Variants in DPP10 observed in about 807,000 individuals in gnomAD.
DPP10 encodes dipeptidyl peptidase like 10.
In DPP10, 33 loss-of-function variants were observed where a neutral mutation model predicts 120.9. The observed-to-expected ratio is 0.27, with a 90% CI of 0.21 to 0.37. DPP10 has a LOEUF of 0.37. Among genes scored for constraint, DPP10 ranks in the 10% least tolerant of loss-of-function variants. The probability of loss-of-function intolerance (pLI) is 1.00; values close to 1 mark genes in which losing one functional copy is unlikely to be tolerated. For missense variants in DPP10, 816 were observed against 942.8 expected (o/e 0.87, Z 1.76); for synonymous variants, 337 against 326.1 (o/e 1.03, Z -0.36).
At chr2:114,882,797 T>C (rs1691753304) in intron 1 of DPP10, among the ~76,000 whole-genome samples, 1 of 151,906 alleles carries the variant, frequency 6.6e-6, no homozygotes, top group Non-Finnish European at 1.5e-5. Flanking sequence ...GCCTAAAATA[T>C]AATGAAGCCA....
intron 1 of DPP10, among the ~76,000 whole-genome samples, chr2:115,066,141 T>A (rs1189013040): frequency 6.6e-6 from 1 of 152,230 alleles, no homozygotes; most frequent in Non-Finnish European, 1.5e-5. Context: ...AGAAGCTGTT[T>A]ATCTTAGTCT....
At chr2:115,585,876 C>T (rs1020087602) in intron 5 of DPP10, among the ~76,000 whole-genome samples, 3 of 152,130 alleles carry the variant, frequency 2.0e-5, no homozygotes, top group East Asian at 1.9e-4. Context: ...TTCTATTTAA[C>T]GTATATCCTG....
intron 3 of DPP10, among the ~76,000 whole-genome samples, chr2:115,388,561 T>C (rs2067112476): frequency 6.6e-6 from 1 of 152,178 alleles, no homozygotes; most frequent in African/African-American, 2.4e-5. Flanking sequence ...TTCCTGGCCC[T>C]CTAGGGTGAT....
At chr2:115,593,825 G>T (rs1184171418) in intron 5 of DPP10, among the ~76,000 whole-genome samples, 1 of 152,136 alleles carries the variant, frequency 6.6e-6, no homozygotes, top group Non-Finnish European at 1.5e-5. Flanking sequence ...TTGATTAATT[G>T]CTTAAAGTTC....
chr2:115,395,286 A>G (rs906036526), intron 3 of DPP10, among the ~76,000 whole-genome samples: 39 of 152,192 alleles, frequency 2.6e-4, no homozygotes, highest in African/African-American at 9.2e-4. Flanking sequence ...ACGTGTATAA[A>G]TTTCCTCTTC....
intron 1 of DPP10, among the ~76,000 whole-genome samples, chr2:114,973,661 C>T (rs867940322): frequency 1.4e-5 from 1 of 71,034 alleles, no homozygotes; most frequent in Non-Finnish European, 2.4e-5. Context: ...GACTCCGTCT[C>T]AAAAAAAAAA....
intron 7 of DPP10, among the ~76,000 whole-genome samples, chr2:115,725,951 C>A (rs2092756760): frequency 6.6e-6 from 1 of 152,160 alleles, no homozygotes; most frequent in Non-Finnish European, 1.5e-5. Context: ...TCGTGAAAGT[C>A]ATTAAATCCA....
chr2:115,501,243 C>T (rs2148795790), intron 4 of DPP10, among the ~76,000 whole-genome samples: 1 of 152,112 alleles, frequency 6.6e-6, no homozygotes, highest in South Asian at 2.1e-4. Flanking sequence ...AGGTTTTCCC[C>T]CATCACTAAT....
At chr2:114,970,065 C>A (rs1699294795) in intron 1 of DPP10, among the ~76,000 whole-genome samples, 1 of 152,018 alleles carries the variant, frequency 6.6e-6, no homozygotes, top group South Asian at 2.1e-4. Context: ...CTAGGTTCTG[C>A]TTGGCAAAGA....
intron 1 of DPP10, among the ~76,000 whole-genome samples, chr2:114,670,029 G>A (rs1288428493): frequency 3.3e-5 from 5 of 152,226 alleles, no homozygotes; most frequent in Middle Eastern, 6.8e-3. Flanking sequence ...AACAGGTGCT[G>A]GAGAGGATGT....
At chr2:115,385,141 A>T (rs1053474234) in intron 3 of DPP10, among the ~76,000 whole-genome samples, 4 of 152,186 alleles carry the variant, frequency 2.6e-5, no homozygotes, top group Non-Finnish European at 4.4e-5. Context: ...TGTCTTTATC[A>T]GCAACATGAA....
intron 5 of DPP10, among the ~76,000 whole-genome samples, chr2:115,548,067 G>A (rs1470424035): frequency 3.9e-5 from 6 of 152,012 alleles, no homozygotes; most frequent in African/African-American, 1.4e-4. Context: ...TTAACCAGAA[G>A]GAACAAAATT....
chr2:114,810,221 AAG>A (rs1283669915), intron 1 of DPP10, among the ~76,000 whole-genome samples: 1 of 152,188 alleles, frequency 6.6e-6, no homozygotes, highest in African/African-American at 2.4e-5. Flanking sequence ...CATAAATATG[AAG>A]AGTGATTTCT....
intron 3 of DPP10, among the ~76,000 whole-genome samples, chr2:115,448,411 A>T (rs2072812224): frequency 6.6e-6 from 1 of 152,208 alleles, no homozygotes; most frequent in Non-Finnish European, 1.5e-5. Flanking sequence ...ACTTTAATGT[A>T]GCGGGAGGTA....
At chr2:114,461,615 G>C (rs912170005) in intron 1 of DPP10, 9 of 985,348 alleles carry the variant, frequency 9.1e-6, no homozygotes, top group Middle Eastern at 5.2e-4. Flanking sequence ...GACCTAGAAG[G>C]CTTTAAGAAA....
chr2:115,375,057 A>C (rs2065685666), intron 3 of DPP10, among the ~76,000 whole-genome samples: 1 of 152,208 alleles, frequency 6.6e-6, no homozygotes, highest in South Asian at 2.1e-4. Flanking sequence ...AATTTCTTCC[A>C]AGAAAATGGG....
At position 115,699,034 on chromosome 2, in the gene DPP10, AAC is replaced by A. The variant is rs1491025551; in HGVS notation, c.576+9115_576+9116del. Among the ~76,000 whole-genome samples the A allele has an allele frequency of 1.1e-3, 33 of 30,536 alleles. 3 individuals are homozygous for A. Among genetic ancestry groups the A allele is most frequent in the African/African-American group, 1.5e-3 (16 of 10,754 alleles). The allele number at this position is 30,536 out of a possible 152,430, so 20.0% of individuals were successfully genotyped here. ...AGTTAGCTTGACTGAAAAAAAAAAA[AAC>A]AAAAAAAAAAAAACAAGAGAAGACT... is the stretch of plus-strand genomic sequence containing the variant. On this transcript the variant is annotated intron_variant, in intron 7 of 25. Coordinates refer to ENST00000410059, the MANE Select transcript of DPP10 (RefSeq NM_020868.6).
At chr2:114,592,647 T>C (rs58903364) in intron 1 of DPP10, among the ~76,000 whole-genome samples, 23,151 of 151,296 alleles carry the variant, frequency 0.15, 2,212 homozygotes, top group African/African-American at 0.27. Context: ...CAAAACAAAA[T>C]AAATAACTCT....
intron 17 of DPP10, among the ~76,000 whole-genome samples, chr2:115,785,522 C>T (rs1220054837): frequency 2.0e-5 from 3 of 152,046 alleles, no homozygotes; most frequent in Non-Finnish European, 2.9e-5. Context: ...AAATCATTAT[C>T]GGTCTGTTCA....
Sources: gnomAD v4.1 joint callset for allele counts (sites outside exome capture counted in the v4.1 genomes callset) on GRCh38, gnomAD v4.1.1 for gene constraint, MANE v1.5 for transcripts, NCBI Gene and HGNC (gene_info 2026-07-23, HGNC 2026-07-21) for gene names.